SORBS3: variants seen among roughly 807,000 people sequenced by gnomAD.
The protein encoded by SORBS3 is vinexin.
A neutral mutation model predicts 98.0 loss-of-function variants in SORBS3; 69 were observed. The ratio of observed to expected loss-of-function variants is 0.70; its 90% CI spans 0.58 to 0.86. The LOEUF (loss-of-function observed/expected upper bound fraction) is 0.86, where lower values mean the gene tolerates loss of function less well. SORBS3 is among the 40% of genes least tolerant of loss of function. SORBS3 has a pLI of 0.00. For missense variants in SORBS3, 954 were observed against 908.5 expected (o/e 1.05, Z -0.64); for synonymous variants, 394 against 355.4 (o/e 1.11, Z -1.22).
chr8:22,562,445 C>T (rs892240851), intron 7 of SORBS3, among the ~76,000 whole-genome samples: 2 of 152,250 alleles, frequency 1.3e-5, no homozygotes, highest in African/African-American at 4.8e-5. Context: ...ACAGGCTCCG[C>T]CCGGCTGCTG....
At position 22,558,135 on chromosome 8, in the gene SORBS3, G is replaced by A; in HGVS notation, c.421G>A (p.Asp141Asn). The A allele has an allele frequency of 3.7e-6, 6 of 1,614,114 alleles. No homozygotes were observed. Among genetic ancestry groups the A allele is most frequent in the Non-Finnish European group, 5.1e-6 (6 of 1,180,008 alleles). ...TTGCATTTTCTGATCCCAGAGCGTT[G>A]ACAGACCCAGAGACTGGTACCGGAG... ...GMPIAPRSSV[D>N]RPRDWYRRMF... The change falls in exon 5 of 21, where the codon GAC becomes AAC. Residue 141 changes from aspartate (D) to asparagine (N), a missense_variant. Transcript: ENST00000240123.
At position 22,567,049 on chromosome 8, in the gene SORBS3, C is replaced by A. The variant is rs1840444092; in HGVS notation, c.1191-12C>A. 1 of 1,605,910 alleles carries A rather than the reference C, an allele frequency of 6.2e-7. No homozygotes were observed. Among genetic ancestry groups the A allele is most frequent in the Non-Finnish European group, 8.5e-7 (1 of 1,173,556 alleles). ...CTTCAGCTTACCCTGCGGTCCTCGTCCCCACCTGCAGGGAGCTGACTCTGC... is the reference window on the plus strand; with the variant it reads ...CTTCAGCTTACCCTGCGGTCCTCGTACCCACCTGCAGGGAGCTGACTCTGC... On this transcript the variant is annotated splice_polypyrimidine_tract_variant and intron_variant, in intron 15 of 20. Transcript: ENST00000240123.
intron 20 of SORBS3, among the ~76,000 whole-genome samples, chr8:22,573,685 C>A (rs767424958): frequency 6.6e-6 from 1 of 151,912 alleles, no homozygotes; most frequent in Non-Finnish European, 1.5e-5. Flanking sequence ...GGGGGTGGGA[C>A]GAGCACGGGC....
rs1456181407 is a variant in SORBS3, at chr8:22,558,183, A to G, written c.469A>G (p.Lys157Glu). ...YRRMFQQIHR[K>E]MPDLQLDWTF... ...GAGAATGTTCCAGCAGATTCACCGG[A>G]AAATGCCAGGTAAGATACCCTTCCA... The change falls in exon 5 of 21, where the codon AAA (lysine) becomes GAA (glutamate). Residue 157 changes from lysine to glutamate, a missense_variant. Coordinates refer to ENST00000240123, the MANE Select transcript of SORBS3 (RefSeq NM_005775.5). 6.2e-7 allele frequency: 1 copy of G among 1,614,016 alleles called. No homozygotes were observed. Among genetic ancestry groups the G allele is most frequent in the Non-Finnish European group, 8.5e-7 (1 of 1,179,952 alleles).
chr8:22,572,765 G>A (rs559305481), intron 20 of SORBS3, among the ~76,000 whole-genome samples: 166 of 152,262 alleles, frequency 1.1e-3, no homozygotes, highest in African/African-American at 3.8e-3. Context: ...CCCCTGCCTC[G>A]AGCAGCCCTG....
At chr8:22,574,608 C>T in intron 20 of SORBS3, 59 bp from the exon 21 acceptor site, 3 of 1,541,592 alleles carry the variant, frequency 1.9e-6, no homozygotes, top group Non-Finnish European at 2.7e-6. Flanking sequence ...AGGCCCTCAC[C>T]CCTGCATCCC....
In SORBS3 at chr8:22,571,681, C is replaced by G. The variant is rs77759543; in HGVS notation, c.1744-37C>G. 1.3e-3 allele frequency: 2,014 copies of G among 1,503,798 alleles called. 1 individual carries two copies. Among genetic ancestry groups the G allele is most frequent in the Non-Finnish European group, 1.7e-3 (1,836 of 1,079,748 alleles). 93.2% of individuals were successfully genotyped at this position (1,503,798 alleles called of 1,614,324 possible). On this transcript the variant is annotated intron_variant, in intron 18 of 20. Transcript: ENST00000240123. ...AGGCTTACATGTACCCATCGTCTTC[C>G]TCCCTCTGACATCCCTTTCTTCCTG...
chr8:22,570,897 T>A lies in SORBS3; in HGVS notation c.1432-13T>A. 3.8e-6 allele frequency: 6 copies of A among 1,575,408 alleles called. No homozygotes were observed. Among genetic ancestry groups the A allele is most frequent in the Non-Finnish European group, 5.2e-6 (6 of 1,156,398 alleles). On this transcript the variant is annotated splice_polypyrimidine_tract_variant and intron_variant, in intron 17 of 20. Coordinates refer to ENST00000240123, the MANE Select transcript of SORBS3 (RefSeq NM_005775.5). ...CAGGAAGGCCCCACAGACACTGACT[T>A]TTCCCCCCTCAGGGAGAGCACATCT...
chr8:22,567,280 G>C (rs1840451249), intron 16 of SORBS3, 105 bp downstream of exon 16: 1 of 771,690 alleles, frequency 1.3e-6, no homozygotes, highest in African/African-American at 1.7e-5. Context: ...AACTGTGAGG[G>C]GCTGGGGCGT....
intron 19 of SORBS3, 43 bp from the exon 20 acceptor site, chr8:22,572,297 C>A (rs1164651723): frequency 1.3e-6 from 2 of 1,534,016 alleles, no homozygotes; most frequent in Non-Finnish European, 1.8e-6. Flanking sequence ...TGGGTTAGAG[C>A]CTCTGGGCCC....
intron 16 of SORBS3, 140 bp downstream of exon 16, chr8:22,567,315 A>T: frequency 1.6e-6 from 1 of 642,592 alleles, no homozygotes; most frequent in Non-Finnish European, 2.7e-6. Flanking sequence ...CTTGGCCCCC[A>T]CAGGGCTTGG....
At chr8:22,565,069 G>C (rs1372652674) in intron 10 of SORBS3, 199 bp from the exon 11 acceptor site, 8 of 1,429,086 alleles carry the variant, frequency 5.6e-6, no homozygotes, top group South Asian at 3.0e-5. Context: ...GGGCGTGCTG[G>C]GCAGGTGAGA....
intron 1 of SORBS3, among the ~76,000 whole-genome samples, chr8:22,552,686 T>C (rs1052868149): frequency 4.6e-5 from 7 of 152,160 alleles, no homozygotes; most frequent in Non-Finnish European, 7.3e-5. Context: ...GAAGGCGCTG[T>C]CAGCTGATGG....
rs370839303 is a variant in SORBS3 at position 22,571,739 on chromosome 8, G to T, written c.1765G>T (p.Ala589Ser). 6.2e-7 allele frequency: 1 copy of T among 1,613,888 alleles called. No individual in the cohort carries two copies. The highest frequency in any genetic ancestry group is 1.3e-5 in the African/African-American group (1 of 75,036). Residue 589 changes from alanine to serine, a missense_variant, in exon 19 of 21, where the codon GCT becomes TCT. Ala to Ser is a moderately conservative substitution (Grantham distance 99). Transcript: ENST00000240123. ...CCAGAATCTTGGCACCCCTGGTCCA[G>T]CTCTGTCCCACTCTCGAGGTCCCAG... Reference protein sequence around the residue: ...QTQNLGTPGPALSHSRGPSHP... With the variant: ...QTQNLGTPGPSLSHSRGPSHP...
Position 22,570,897 on chromosome 8 carries a change from T to C in SORBS3, c.1432-13T>C. 6.3e-7 allele frequency: 1 copy of C among 1,575,408 alleles called. No individual in the cohort carries two copies. Among genetic ancestry groups the C allele is most frequent in the Non-Finnish European group, 8.6e-7 (1 of 1,156,398 alleles). On this transcript the variant is annotated splice_polypyrimidine_tract_variant and intron_variant, in intron 17 of 20. Coordinates refer to ENST00000240123, the MANE Select transcript of SORBS3 (RefSeq NM_005775.5). ...CAGGAAGGCCCCACAGACACTGACTTTTCCCCCCTCAGGGAGAGCACATCT... is the reference window on the plus strand; with the variant it reads ...CAGGAAGGCCCCACAGACACTGACTCTTCCCCCCTCAGGGAGAGCACATCT...
At chr8:22,565,071 C>T in intron 10 of SORBS3, 197 bp from the exon 11 acceptor site, 3 of 1,428,242 alleles carry the variant, frequency 2.1e-6, no homozygotes, top group Non-Finnish European at 2.7e-6. Flanking sequence ...GCGTGCTGGG[C>T]AGGTGAGAGG....
At chr8:22,567,033 A>C (rs1840443408) in intron 15 of SORBS3, 28 bp from the exon 16 acceptor site, 3 of 1,587,882 alleles carry the variant, frequency 1.9e-6, no homozygotes, top group Non-Finnish European at 2.6e-6. Flanking sequence ...GCTTCAGCTT[A>C]CCCTGCGGTC....
Position 22,554,523 on chromosome 8 carries a change from G to T in SORBS3, c.17G>T (p.Arg6Leu). MQGPP[R>L]SLRAGLSLDD... Reference sequence around the variant, plus strand: ...GACCCAAGCATGCAGGGCCCACCCCGCAGCCTCCGCGCTGGGCTCAGCCTG... The same window carrying T: ...GACCCAAGCATGCAGGGCCCACCCCTCAGCCTCCGCGCTGGGCTCAGCCTG... Residue 6 changes from arginine to leucine, a missense_variant, in exon 2 of 21, where the codon CGC (arginine) becomes CTC (leucine). By Grantham distance (102) the Arg-to-Leu change is moderately radical. Transcript: ENST00000240123. The surrounding 1 kb of genome is among the most constrained non-coding windows in gnomAD (Gnocchi z 6.5). 6.2e-7 allele frequency: 1 copy of T among 1,612,060 alleles called. No homozygotes were observed. The highest frequency in any genetic ancestry group is 8.5e-7 in the Non-Finnish European group (1 of 1,179,854).
intron 20 of SORBS3, among the ~76,000 whole-genome samples, 180 bp downstream of exon 20, chr8:22,572,626 G>T (rs1840620072): frequency 6.6e-6 from 1 of 152,232 alleles, no homozygotes; most frequent in Non-Finnish European, 1.5e-5. Context: ...CCTTCTGTTG[G>T]CTGCCTTCCT....
Sources: gnomAD v4.1 joint callset for allele counts (sites outside exome capture counted in the v4.1 genomes callset) on GRCh38, gnomAD v4.1.1 for gene constraint, Gnocchi (gnomAD v3.1) non-coding constraint, MANE v1.5 for transcripts, NCBI Gene and HGNC (gene_info 2026-07-23, HGNC 2026-07-21) for gene names.